The following ZDHHC11 variants were observed in gnomAD, a reference collection of about 807,000 sequenced individuals.
ZDHHC11 encodes zDHHC palmitoyltransferase 11.
Under a neutral mutation model 51.3 loss-of-function variants are expected in ZDHHC11, and 44 were observed. The observed-to-expected ratio is 0.86, with a 90% CI of 0.67 to 1.10. The LOEUF (loss-of-function observed/expected upper bound fraction) is 1.10, where lower values mean the gene tolerates loss of function less well. ZDHHC11 is among the 50% of genes least tolerant of loss of function. ZDHHC11 has a pLI of 0.00. For synonymous variants in ZDHHC11, 163 were observed against 222.0 expected (o/e 0.73, Z 2.36); for missense variants, 400 against 537.7 (o/e 0.74, Z 2.53).
chr5:853,545 G>A (rs1378047245), upstream of ZDHHC11, among the ~76,000 whole-genome samples: 5 of 149,406 alleles, frequency 3.3e-5, no homozygotes, highest in South Asian at 2.1e-4. Flanking sequence ...AGTGAGCAGC[G>A]GGGACAGACC....
At position 831,282 on chromosome 5, in the gene ZDHHC11, C is replaced by CA. The variant is rs1178936243; in HGVS notation, c.935+2490dup. On this transcript the variant is annotated intron_variant, in intron 7 of 12. Coordinates refer to ENST00000283441, the MANE Select transcript of ZDHHC11 (RefSeq NM_024786.3). ...TCTAAAAGGAACTCAAACAAATCCG[C>CA]AAGAAAAAACAAATCATCCAATTGG... 2.0e-5 allele frequency among the ~76,000 whole-genome samples: 3 copies of CA among 149,452 alleles called. 1 individual carries two copies. The highest frequency in any genetic ancestry group is 4.5e-5 in the Non-Finnish European group (3 of 67,080).
In ZDHHC11 at chr5:813,396, G is replaced by A. The variant is rs1467743983; in HGVS notation, c.1181+1365C>T. On this transcript the variant is annotated intron_variant, in intron 11 of 12. Coordinates refer to ENST00000283441, the MANE Select transcript of ZDHHC11 (RefSeq NM_024786.3). The stretch of plus-strand genomic sequence containing the variant: ...AGGGCAGCTGGGTTGGGAGGATGAG[G>A]CCAGCTGGGTGCACTCATCTGTGAG... Among the ~76,000 whole-genome samples, 3 of 142,484 alleles carry A rather than the reference G, an allele frequency of 2.1e-5. 1 individual carries two copies. Among genetic ancestry groups the A allele is most frequent in the Non-Finnish European group, 3.0e-5 (2 of 66,706 alleles). The allele number at this position is 142,484 out of a possible 152,430, so 93.5% of individuals were successfully genotyped here.
intron 5 of ZDHHC11, 65 bp from the exon 6 acceptor site, chr5:837,545 G>A: frequency 6.4e-7 from 1 of 1,553,534 alleles, no homozygotes; most frequent in East Asian, 2.2e-5. Context: ...GCGCCCACAG[G>A]ACAGCTCAGC....
chr5:836,410 T>A (rs536132326), intron 6 of ZDHHC11, among the ~76,000 whole-genome samples: 1 of 150,564 alleles, frequency 6.6e-6, no homozygotes, highest in African/African-American at 2.4e-5. Context: ...TCGATTTGGT[T>A]TCCCAAGGTC....
chr5:858,370 C>A (rs910663159), intron 1 of ZDHHC11, among the ~76,000 whole-genome samples: 1 of 121,474 alleles, frequency 8.2e-6, no homozygotes, highest in African/African-American at 3.5e-5. Flanking sequence ...CTTTATGACA[C>A]CGTGGTCCCC....
At chr5:823,771 T>A (rs193102082) in intron 8 of ZDHHC11, 6 of 283,234 alleles carry the variant, frequency 2.1e-5, no homozygotes, top group African/African-American at 1.3e-4. Flanking sequence ...CATCCACACA[T>A]AGAAGCTGCA....
At position 819,916 on chromosome 5, in the gene ZDHHC11, G is replaced by A. The variant is rs143407093; in HGVS notation, c.1059-304C>T. Among the ~76,000 whole-genome samples the A allele has an allele frequency of 2.6e-3, 390 of 151,396 alleles. 21 individuals carry two copies. The East Asian group carries it at 0.064, about 25-fold the overall frequency. ...GTGCCTTAGACAGGTAGTGTCCTCC[G>A]TTAGTGTAGCTGGTCTACACTGGGC... On this transcript the variant is annotated intron_variant, in intron 9 of 12. Transcript: ENST00000283441.
intron 11 of ZDHHC11, among the ~76,000 whole-genome samples, chr5:807,052 C>T (rs1341560538): frequency 1.3e-5 from 2 of 150,772 alleles, no homozygotes; most frequent in Admixed American, 6.6e-5. Flanking sequence ...AGCTGGGTAG[C>T]AAAAAACTGG....
rs1208295387 is a variant in ZDHHC11, at chr5:800,347, T to A, written c.*7+753A>T. ...CTCTGAAGCATTGTGAGAAGGCAGG[T>A]ACTGAACGGTAGACTTCAGGGTGTA... On this transcript the variant is annotated intron_variant, in intron 12 of 12. Transcript: ENST00000283441. Among the ~76,000 whole-genome samples, 5 of 150,768 alleles carry A rather than the reference T, an allele frequency of 3.3e-5. No individual in the cohort carries two copies. The East Asian group carries it at 9.7e-4, about 29-fold the overall frequency.
At chr5:828,552 G>C (rs866444427) in intron 7 of ZDHHC11, among the ~76,000 whole-genome samples, 1 of 151,370 alleles carries the variant, frequency 6.6e-6, no homozygotes, top group Admixed American at 6.6e-5. Context: ...CACAATTATA[G>C]TGACGGACAC....
intron 3 of ZDHHC11, among the ~76,000 whole-genome samples, chr5:846,512 C>T (rs1296949280): frequency 7.0e-6 from 1 of 142,894 alleles, no homozygotes; most frequent in African/African-American, 2.7e-5. Context: ...ACCTCTCGTT[C>T]TTGAGCCTCC....
chr5:855,060 G>A (rs888359401), upstream of ZDHHC11, among the ~76,000 whole-genome samples: 8 of 130,610 alleles, frequency 6.1e-5, 1 homozygote, highest in African/African-American at 2.1e-4. Flanking sequence ...AAGCCAGGGG[G>A]ACAGACCCCA....
chr5:858,489 C>T (rs1021797318), intron 1 of ZDHHC11, among the ~76,000 whole-genome samples: 1 of 152,194 alleles, frequency 6.6e-6, no homozygotes, highest in Non-Finnish European at 1.5e-5. Context: ...ACAGGTCTGT[C>T]CTCTTCATCC....
chr5:811,596 C>G (rs1303149108), intron 11 of ZDHHC11, among the ~76,000 whole-genome samples: 1 of 147,778 alleles, frequency 6.8e-6, no homozygotes. Flanking sequence ...AAGGCAGGAA[C>G]TTGCATCCTC....
At chr5:798,996 T>C (rs1161943486) in intron 12 of ZDHHC11, among the ~76,000 whole-genome samples, 1 of 150,992 alleles carries the variant, frequency 6.6e-6, no homozygotes, top group Non-Finnish European at 1.5e-5. Context: ...CTGAGCCATC[T>C]TGTTTCAGTC....
intron 11 of ZDHHC11, among the ~76,000 whole-genome samples, chr5:806,977 A>G (rs1739351739): frequency 6.6e-6 from 1 of 151,198 alleles, no homozygotes. Flanking sequence ...TTGCACCACT[A>G]GGAATAGCCC....
In ZDHHC11 at chr5:821,873, G is replaced by A. The variant is rs1579629112; in HGVS notation, c.1046C>T (p.Pro349Leu). 6.2e-7 allele frequency: 1 copy of A among 1,606,214 alleles called. No individual in the cohort carries two copies. Among genetic ancestry groups the A allele is most frequent in the Non-Finnish European group, 8.5e-7 (1 of 1,174,448 alleles). Residue 349 changes from proline (P) to leucine (L), a missense_variant, in exon 9 of 13, where the codon CCA becomes CTA. Transcript: ENST00000283441. ...CTTACAAACTCACCCAAGTGCAGAT[G>A]GACACGGGTCTTCATCCCCTTCCTG... ...TAREGDEDPC[P>L]SALGAKARNS... is the part of the protein sequence containing the mutation.
intron 8 of ZDHHC11, among the ~76,000 whole-genome samples, 159 bp downstream of exon 8, chr5:825,005 T>A (rs3887551): frequency 0.083 from 12,479 of 150,896 alleles, 763 homozygotes; most frequent in Admixed American, 0.2. Flanking sequence ...CCATCTCTCT[T>A]CTGTGCTCCA....
intron 1 of ZDHHC11, among the ~76,000 whole-genome samples, chr5:858,395 T>TC (rs1037600306): frequency 2.2e-5 from 3 of 137,366 alleles, no homozygotes; most frequent in Admixed American, 7.8e-5. Flanking sequence ...TCTGTCCAGG[T>TC]CCCCGTCCTG....
Sources: allele counts gnomAD v4.1 joint callset (sites outside exome capture counted in the v4.1 genomes callset), GRCh38; gene constraint gnomAD v4.1.1; transcripts MANE v1.5; gene names NCBI Gene and HGNC (gene_info 2026-07-23, HGNC 2026-07-21).